The following RPS6KA5 variants were observed in gnomAD, a reference collection of about 807,000 sequenced individuals.
RPS6KA5 encodes ribosomal protein S6 kinase A5.
In RPS6KA5, 27 loss-of-function variants were observed where a neutral mutation model predicts 85.5. The ratio of observed to expected loss-of-function variants is 0.32; its 90% CI spans 0.23 to 0.44. The LOEUF (loss-of-function observed/expected upper bound fraction) is 0.44. RPS6KA5 is among the 20% of genes least tolerant of loss of function. RPS6KA5 has a pLI of 1.00. For synonymous variants in RPS6KA5, 334 were observed against 348.2 expected, an observed-to-expected ratio of 0.96 and a Z score of 0.46; for missense variants, 811 against 980.9, an observed-to-expected ratio of 0.83 and a Z score of 2.31.
chr14:90,978,407 G>A lies in RPS6KA5; in HGVS notation c.293C>T (p.Thr98Ile), dbSNP rs1198719757. The change falls in exon 3 of 17, where the codon ACA becomes ATA. Residue 98 changes from threonine to isoleucine, a missense_variant. By Grantham distance (89) the Thr-to-Ile change is moderately conservative (BLOSUM62 -1). Coordinates refer to ENST00000614987, the MANE Select transcript of RPS6KA5 (RefSeq NM_004755.4). ...IVQKAKTTEH[T>I]RTERQVLEHI... ...TTCCAGGACTTGTCGTTCTGTCCTTGTATGCTCTGTGGTTTTGGCCTTTTG... is the reference window on the plus strand; with the variant it reads ...TTCCAGGACTTGTCGTTCTGTCCTTATATGCTCTGTGGTTTTGGCCTTTTG... 4 of 1,614,016 alleles carry A rather than the reference G, an allele frequency of 2.5e-6. No individual in the cohort carries two copies. The highest frequency in any genetic ancestry group is 3.4e-6 in the Non-Finnish European group (4 of 1,179,936).
At chr14:90,929,425 T>C (rs768580962) in intron 5 of RPS6KA5, among the ~76,000 whole-genome samples, 17 of 152,086 alleles carry the variant, frequency 1.1e-4, no homozygotes, top group Non-Finnish European at 1.8e-4. Context: ...TAATAAGAAT[T>C]CAATGTTTTA....
At chr14:90,900,313 G>T in intron 10 of RPS6KA5, 72 bp from the exon 11 acceptor site, 1 of 1,127,120 alleles carries the variant, frequency 8.9e-7, no homozygotes, top group Non-Finnish European at 1.2e-6. Flanking sequence ...AAATTGTAGA[G>T]TAAAATAAAA....
Position 90,850,177 on chromosome 14 carries a change from T to C in RPS6KA5, c.*21897A>G, listed in dbSNP as rs60434636. 0.29 allele frequency: 44,787 copies of C among 152,046 alleles called. 6,798 individuals are homozygous for C. Among genetic ancestry groups the C allele is most frequent in the African/African-American group, 0.35 (14,386 of 41,430 alleles). The allele number at this position is 152,046 out of a possible 1,614,324, so 9.4% of individuals were successfully genotyped here. On this transcript the variant is annotated 3_prime_UTR_variant, in exon 17 of 17. Coordinates refer to ENST00000614987, the MANE Select transcript of RPS6KA5 (RefSeq NM_004755.4). ...TTTCCTCTGGGATCCCGTCAGCTTCTCCTTCCCCAGAGGTCCTGACATTGC... is the reference window on the plus strand; with the variant it reads ...TTTCCTCTGGGATCCCGTCAGCTTCCCCTTCCCCAGAGGTCCTGACATTGC...
chr14:90,887,038 TATGGG>T (rs1359730127), intron 14 of RPS6KA5, among the ~76,000 whole-genome samples: 1 of 152,232 alleles, frequency 6.6e-6, no homozygotes, highest in African/African-American at 2.4e-5. Context: ...TTGTGCTTGT[TATGGG>T]ATAATTCAGC....
chr14:91,016,196 T>C (rs2139768074), intron 1 of RPS6KA5, among the ~76,000 whole-genome samples: 1 of 152,298 alleles, frequency 6.6e-6, no homozygotes, highest in East Asian at 1.9e-4. Context: ...AAGTCAGACA[T>C]TTAGTGCCTA....
intron 3 of RPS6KA5, among the ~76,000 whole-genome samples, chr14:90,965,251 G>T (rs1441480771): frequency 6.6e-6 from 1 of 152,116 alleles, no homozygotes; most frequent in African/African-American, 2.4e-5. Flanking sequence ...TGGGCGTGGT[G>T]ATGGGCACCT....
intron 1 of RPS6KA5, among the ~76,000 whole-genome samples, chr14:91,049,798 T>C (rs187283685): frequency 3.9e-5 from 6 of 152,346 alleles, no homozygotes; most frequent in African/African-American, 1.4e-4. Context: ...TATAGGTTAC[T>C]ACACACCTGG....
At chr14:90,885,323 T>C (rs1446373384) in intron 14 of RPS6KA5, among the ~76,000 whole-genome samples, 1 of 139,982 alleles carries the variant, frequency 7.1e-6, no homozygotes, top group Non-Finnish European at 1.5e-5. Context: ...GAGGCTGAGG[T>C]GGGCAGATCA....
chr14:91,018,965 T>C (rs1225054796), intron 1 of RPS6KA5, among the ~76,000 whole-genome samples: 1 of 151,950 alleles, frequency 6.6e-6, no homozygotes, highest in Admixed American at 6.6e-5. Context: ...CTAGATATCA[T>C]AGCATATAAA....
chr14:91,021,531 G>C (rs765875352), intron 1 of RPS6KA5, among the ~76,000 whole-genome samples: 6 of 152,122 alleles, frequency 3.9e-5, no homozygotes, highest in Non-Finnish European at 8.8e-5. Flanking sequence ...TCCTGCCTCA[G>C]CCTCCTGAGT....
At chr14:91,014,471 C>T (rs543613622) in intron 1 of RPS6KA5, among the ~76,000 whole-genome samples, 111 of 144,444 alleles carry the variant, frequency 7.7e-4, no homozygotes, top group African/African-American at 2.6e-3. Context: ...CACTGCACTC[C>T]AGCCTGGGGA....
At chr14:91,058,454 G>C (rs1429338725) in intron 1 of RPS6KA5, among the ~76,000 whole-genome samples, 2 of 152,184 alleles carry the variant, frequency 1.3e-5, no homozygotes, top group East Asian at 1.9e-4. Flanking sequence ...GTTGCTCCTT[G>C]GTCATTTAGC....
intron 3 of RPS6KA5, among the ~76,000 whole-genome samples, chr14:90,954,472 G>T (rs1367187482): frequency 6.6e-6 from 1 of 152,220 alleles, no homozygotes; most frequent in African/African-American, 2.4e-5. Flanking sequence ...GGAGTGCAGT[G>T]GCATGATCTC....
At chr14:91,018,488 A>G (rs1232542875) in intron 1 of RPS6KA5, among the ~76,000 whole-genome samples, 1 of 152,224 alleles carries the variant, frequency 6.6e-6, no homozygotes, top group Non-Finnish European at 1.5e-5. Context: ...CCACCATCCA[A>G]TCGGCTGCCA....
intron 1 of RPS6KA5, among the ~76,000 whole-genome samples, chr14:91,003,324 T>C (rs1235997596): frequency 6.6e-6 from 1 of 152,204 alleles, no homozygotes; most frequent in Non-Finnish European, 1.5e-5. Flanking sequence ...GGAATTATTT[T>C]TTGATACACA....
intron 5 of RPS6KA5, among the ~76,000 whole-genome samples, chr14:90,926,012 C>T (rs578155393): frequency 7.1e-6 from 1 of 140,338 alleles, no homozygotes; most frequent in Non-Finnish European, 1.6e-5. Flanking sequence ...AATAAAGAAA[C>T]GAGGCAATAA....
At chr14:91,002,299 A>G (rs1382055618) in intron 1 of RPS6KA5, among the ~76,000 whole-genome samples, 5 of 152,172 alleles carry the variant, frequency 3.3e-5, no homozygotes, top group Non-Finnish European at 7.4e-5. Context: ...CATACGTCAA[A>G]AGCAAATACA....
At chr14:91,053,533 C>T (rs1369597473) in intron 1 of RPS6KA5, among the ~76,000 whole-genome samples, 2 of 152,110 alleles carry the variant, frequency 1.3e-5, no homozygotes, top group Non-Finnish European at 2.9e-5. Context: ...AAAACTGTAC[C>T]TCTATACTCT....
chr14:90,962,971 T>C (rs2038883355), intron 3 of RPS6KA5, among the ~76,000 whole-genome samples: 1 of 152,204 alleles, frequency 6.6e-6, no homozygotes, highest in Admixed American at 6.6e-5. Flanking sequence ...TTAACCACGA[T>C]AAAAATACCA....
Sources: gnomAD v4.1 joint callset for allele counts (sites outside exome capture counted in the v4.1 genomes callset) on GRCh38, gnomAD v4.1.1 for gene constraint, MANE v1.5 for transcripts, NCBI Gene and HGNC (gene_info 2026-07-23, HGNC 2026-07-21) for gene names.